SIPA1L1: variants seen among roughly 807,000 people sequenced by gnomAD.
The protein encoded by SIPA1L1 is signal induced proliferation associated 1 like 1, also known as signal-induced proliferation-associated 1-like protein 1.
SIPA1L1 carries 26 observed loss-of-function variants against 162.7 expected under a neutral mutation model. The ratio of observed to expected loss-of-function variants is 0.16; its 90% CI spans 0.12 to 0.22. The LOEUF (loss-of-function observed/expected upper bound fraction) is 0.22. SIPA1L1 is among the 10% of genes least tolerant of loss of function. SIPA1L1 has a pLI of 1.00. For synonymous variants in SIPA1L1, 829 were observed against 837.4 expected (o/e 0.99, Z 0.17); for missense variants, 1,874 against 2,241.0 (o/e 0.84, Z 3.31).
At chr14:71,425,675 G>A (rs1012778504) in intron 2 of SIPA1L1, among the ~76,000 whole-genome samples, 1 of 152,086 alleles carries the variant, frequency 6.6e-6, no homozygotes, top group Non-Finnish European at 1.5e-5. Context: ...AGAAGAATGT[G>A]TATACTGTTC....
chr14:71,628,120 TA>T (rs1282114159), intron 7 of SIPA1L1, among the ~76,000 whole-genome samples: 1 of 152,052 alleles, frequency 6.6e-6, no homozygotes, highest in Non-Finnish European at 1.5e-5. Context: ...CCCCCGTCTC[TA>T]AAAAAATAAA....
intron 1 of SIPA1L1, 181 bp downstream of exon 1, chr14:71,320,684 T>A (rs1402563596): frequency 2.9e-5 from 2 of 68,378 alleles, no homozygotes; most frequent in South Asian, 5.3e-4. Context: ...CCCTCCCCCA[T>A]GCGGTACGCA....
chr14:71,650,397 G>T lies in SIPA1L1; in HGVS notation c.1881G>T (p.Glu627Asp). Residue 627 changes from glutamate to aspartate, a missense_variant, in exon 8 of 24, where the codon GAG becomes GAT. This residue lies in a region of SIPA1L1 where 685 missense variants were observed against 828.0 expected (regional missense o/e 0.83). Coordinates refer to ENST00000381232, the MANE Select transcript of SIPA1L1 (RefSeq NM_001386936.1). ...AAGCTGGACAGAGCACTGAAGAAGA[G>T]ATGTACAACAATGAGTCAGCTGGCC... ...YCKAGQSTEE[E>D]MYNNESAGPA... 6.2e-7 allele frequency: 1 copy of T among 1,614,212 alleles called. No homozygotes were observed. Among genetic ancestry groups the T allele is most frequent in the Non-Finnish European group, 8.5e-7 (1 of 1,180,024 alleles).
At chr14:71,404,530 C>A (rs955188392) in intron 2 of SIPA1L1, among the ~76,000 whole-genome samples, 27 of 152,208 alleles carry the variant, frequency 1.8e-4, no homozygotes, top group African/African-American at 5.8e-4. Flanking sequence ...GCCTGGGCTA[C>A]AGAGCCCAAG....
At chr14:71,387,349 G>A (rs1022927666) in intron 2 of SIPA1L1, among the ~76,000 whole-genome samples, 1 of 148,202 alleles carries the variant, frequency 6.7e-6, no homozygotes, top group Admixed American at 6.8e-5. Flanking sequence ...GCTGGTACCC[G>A]CCTGTAGTCC....
At chr14:71,531,741 G>T (rs2053467683) in intron 4 of SIPA1L1, among the ~76,000 whole-genome samples, 1 of 151,908 alleles carries the variant, frequency 6.6e-6, no homozygotes, top group Non-Finnish European at 1.5e-5. Flanking sequence ...GTAATTTTTT[G>T]TATTTTTTGT....
intron 2 of SIPA1L1, among the ~76,000 whole-genome samples, chr14:71,441,822 A>T (rs1200806395): frequency 1.3e-5 from 2 of 152,176 alleles, no homozygotes; most frequent in African/African-American, 4.8e-5. Flanking sequence ...TTAAAATGTT[A>T]GTAACACTTT....
chr14:71,705,248 T>G lies in SIPA1L1; in HGVS notation c.3673T>G (p.Ser1225Ala), dbSNP rs2082355977. 2.5e-6 allele frequency: 4 copies of G among 1,613,680 alleles called. No individual in the cohort carries two copies. The South Asian group carries it at 3.3e-5, about 13-fold the overall frequency. Residue 1225 changes from serine to alanine, a missense_variant, in exon 16 of 24, where the codon TCA becomes GCA. By Grantham distance (99) the Ser-to-Ala change is moderately conservative. Coordinates refer to ENST00000381232, the MANE Select transcript of SIPA1L1 (RefSeq NM_001386936.1). ...GCCAACATGCCATCTCCCAGCAGTATCAAAGGTACTGCCAGCTTTCCGAGA... is the reference window on the plus strand; with the variant it reads ...GCCAACATGCCATCTCCCAGCAGTAGCAAAGGTACTGCCAGCTTTCCGAGA... ...MEPTCHLPAV[S>A]KVLPAFRESP...
intron 2 of SIPA1L1, among the ~76,000 whole-genome samples, chr14:71,435,589 G>A (rs952094932): frequency 1.3e-4 from 20 of 152,146 alleles, no homozygotes; most frequent in African/African-American, 4.6e-4. Flanking sequence ...TGGACATTTG[G>A]GTGGGTTCCA....
chr14:71,330,326 C>T, intron 2 of SIPA1L1: 1 of 792,142 alleles, frequency 1.3e-6, no homozygotes, highest in Non-Finnish European at 2.3e-6. Context: ...GGGCTGTGGG[C>T]TGTAACTCTC....
rs116220652 is a variant in SIPA1L1, at chr14:71,501,631, C to T, written c.-464-11112C>T. ...TGTTGGTAATGTTCTCTTTCCTGAT[C>T]GAGTAGTAGTTACAGTGGTCGGTTC... On this transcript the variant is annotated intron_variant, in intron 2 of 23. Coordinates refer to ENST00000381232, the MANE Select transcript of SIPA1L1 (RefSeq NM_001386936.1). Among the ~76,000 whole-genome samples, 787 of 152,162 alleles carry T rather than the reference C, an allele frequency of 5.2e-3. 5 individuals carry two copies. Among genetic ancestry groups the T allele is most frequent in the African/African-American group, 0.018 (737 of 41,508 alleles).
intron 2 of SIPA1L1, chr14:71,400,798 T>C (rs2041612712): frequency 6.6e-6 from 1 of 152,210 alleles, no homozygotes; most frequent in Non-Finnish European, 1.5e-5. Flanking sequence ...CTTCAGGTCT[T>C]AAAACATTTT....
At chr14:71,735,722 C>T (rs1316037330) in intron 22 of SIPA1L1, 1 of 183,600 alleles carries the variant, frequency 5.4e-6, no homozygotes, top group Non-Finnish European at 1.1e-5. Context: ...GTCCTGCAGT[C>T]TGGGTTTTCA....
In SIPA1L1 at chr14:71,718,191, G is replaced by A. The variant is rs1273701668; in HGVS notation, c.4209-5456G>A. On this transcript the variant is annotated intron_variant, in intron 17 of 23. Coordinates refer to ENST00000381232, the MANE Select transcript of SIPA1L1 (RefSeq NM_001386936.1). ...GGACACAAGAAAGTATGCTTTAGAA[G>A]AGCTCCCAGGTGACGCTCACAGGCC... Among the ~76,000 whole-genome samples, 11 of 152,278 alleles carry A rather than the reference G, an allele frequency of 7.2e-5. No individual in the cohort carries two copies. In the South Asian group the frequency reaches 2.3e-3, roughly 32 times the overall value.
At chr14:71,624,265 C>A in intron 7 of SIPA1L1, 29 bp downstream of exon 7, 1 of 1,570,916 alleles carries the variant, frequency 6.4e-7, no homozygotes, top group Non-Finnish European at 8.7e-7. Flanking sequence ...GGAGAGCATT[C>A]TTGCTCAGGT....
rs200463823 is a variant in SIPA1L1 at position 71,590,021 on chromosome 14, TAAAAA to T, written c.1498+671_1498+675del. Reference sequence around the variant, plus strand: ...CTAATCTTTTCTTTGAGTGGGAGAGTAAAAAAAAAAAAAAAAAAAAAAAATATATA... The same window carrying T: ...CTAATCTTTTCTTTGAGTGGGAGAGTAAAAAAAAAAAAAAAAAAATATATA... On this transcript the variant is annotated intron_variant, in intron 5 of 23. Coordinates refer to ENST00000381232, the MANE Select transcript of SIPA1L1 (RefSeq NM_001386936.1). Among the ~76,000 whole-genome samples the T allele has an allele frequency of 1.2e-3, 106 of 85,082 alleles. 1 individual carries two copies. The highest frequency in any genetic ancestry group is 1.9e-3 in the African/African-American group (41 of 22,150). 55.8% of individuals were successfully genotyped at this position (85,082 alleles called of 152,430 possible). A position where few individuals can be genotyped will look rare whatever the true frequency, so the allele number is the denominator to read the frequency against.
intron 4 of SIPA1L1, among the ~76,000 whole-genome samples, chr14:71,569,708 C>T (rs2031557677): frequency 6.6e-6 from 1 of 152,174 alleles, no homozygotes; most frequent in Non-Finnish European, 1.5e-5. Context: ...CAAGGGAGGC[C>T]AGGTAGCCAA....
chr14:71,437,533 C>G (rs542731739), intron 2 of SIPA1L1, among the ~76,000 whole-genome samples: 1 of 152,170 alleles, frequency 6.6e-6, no homozygotes, highest in South Asian at 2.1e-4. Flanking sequence ...CTTCACTTAG[C>G]AAATTTTTGT....
chr14:71,385,195 C>T (rs41216), intron 2 of SIPA1L1, among the ~76,000 whole-genome samples: 101,247 of 152,064 alleles, frequency 0.67, 34,224 homozygotes, highest in Admixed American at 0.7. Context: ...ATTGGTCGTG[C>T]TCTCAGAAGT....
Sources: gnomAD v4.1 joint callset for allele counts (sites outside exome capture counted in the v4.1 genomes callset) on GRCh38, gnomAD v4.1.1 for gene constraint, gnomAD v4.1.1 regional missense constraint, MANE v1.5 for transcripts, NCBI Gene and HGNC (gene_info 2026-07-23, HGNC 2026-07-21) for gene names.